Variants in DGKI observed in about 807,000 individuals in gnomAD.
The protein encoded by DGKI is diacylglycerol kinase iota.
In DGKI, 55 loss-of-function variants were observed where a neutral mutation model predicts 147.5. That is an observed-to-expected ratio of 0.37 (90% confidence interval 0.30 to 0.47). The LOEUF is 0.47. Among genes scored for constraint, DGKI ranks in the 20% least tolerant of loss-of-function variants. The probability of loss-of-function intolerance (pLI) is 1.00; values close to 1 mark genes in which losing one functional copy is unlikely to be tolerated. For synonymous variants in DGKI, 469 were observed against 477.1 expected, an observed-to-expected ratio of 0.98 and a Z score of 0.22; for missense variants, 1,007 against 1,323.8, an observed-to-expected ratio of 0.76 and a Z score of 3.71.
rs564223372 is a variant in DGKI at position 137,840,328 on chromosome 7, T to C, written c.401+6134A>G. Among the ~76,000 whole-genome samples the C allele has an allele frequency of 6.6e-5, 10 of 152,282 alleles. No individual in the cohort carries two copies. The East Asian group carries it at 1.9e-3, about 29-fold the overall frequency. On this transcript the variant is annotated intron_variant, in intron 1 of 32. Transcript: ENST00000614521. Reference sequence around the variant, plus strand: ...GAAGGAAAGAGGGAGTGAAGTAATATAGAACAGAGGTGGCTGGAGTGACCT... The same window carrying C: ...GAAGGAAAGAGGGAGTGAAGTAATACAGAACAGAGGTGGCTGGAGTGACCT...
chr7:137,826,986 C>T (rs771254771), intron 1 of DGKI, among the ~76,000 whole-genome samples: 8 of 152,278 alleles, frequency 5.3e-5, no homozygotes, highest in East Asian at 1.9e-4. Context: ...TAGAAACTCA[C>T]CCTACTTCCT....
chr7:137,499,691 T>C (rs1334824787), intron 21 of DGKI, among the ~76,000 whole-genome samples: 1 of 152,086 alleles, frequency 6.6e-6, no homozygotes, highest in South Asian at 2.1e-4. Flanking sequence ...CTGGAAGATA[T>C]ACCACCAGCT....
intron 30 of DGKI, among the ~76,000 whole-genome samples, chr7:137,398,232 T>C (rs1811624161): frequency 6.6e-6 from 1 of 152,236 alleles, no homozygotes; most frequent in African/African-American, 2.4e-5. Flanking sequence ...GGATTTATCA[T>C]CCAAGTTGGG....
chr7:137,786,623 A>G (rs1028854245), intron 1 of DGKI, among the ~76,000 whole-genome samples: 3 of 152,026 alleles, frequency 2.0e-5, no homozygotes, highest in Non-Finnish European at 4.4e-5. Context: ...AACAATCCTA[A>G]AATTCATATG....
chr7:137,493,708 A>C (rs1815856698), intron 21 of DGKI: 2 of 699,092 alleles, frequency 2.9e-6, no homozygotes, highest in East Asian at 5.4e-5. Context: ...AGACTGAAGG[A>C]AAATCAGCCC....
At chr7:137,713,678 G>T (rs972645690) in intron 1 of DGKI, among the ~76,000 whole-genome samples, 14 of 152,000 alleles carry the variant, frequency 9.2e-5, no homozygotes, top group African/African-American at 3.4e-4. Flanking sequence ...GTCTCTTTTT[G>T]TCACTCAAGC....
intron 20 of DGKI, among the ~76,000 whole-genome samples, chr7:137,545,559 G>A (rs1299704067): frequency 1.3e-5 from 2 of 152,160 alleles, no homozygotes; most frequent in African/African-American, 4.8e-5. Flanking sequence ...GCACTTCCTC[G>A]AGCTTATCTC....
At chr7:137,655,264 T>G (rs1239702479) in intron 4 of DGKI, among the ~76,000 whole-genome samples, 1 of 151,766 alleles carries the variant, frequency 6.6e-6, no homozygotes. Flanking sequence ...AGTGGTGTGA[T>G]CTCAGCTCAC....
intron 6 of DGKI, among the ~76,000 whole-genome samples, chr7:137,634,220 A>G (rs1821233566): frequency 6.6e-6 from 1 of 152,328 alleles, no homozygotes; most frequent in African/African-American, 2.4e-5. Flanking sequence ...TTATTGGATG[A>G]CATTAAATGC....
intron 1 of DGKI, among the ~76,000 whole-genome samples, chr7:137,845,030 C>T (rs1340757769): frequency 6.6e-6 from 1 of 152,226 alleles, no homozygotes; most frequent in African/African-American, 2.4e-5. Flanking sequence ...CCCCTCCCCA[C>T]CATCTGTCTA....
chr7:137,797,039 A>G (rs188056992), intron 1 of DGKI, among the ~76,000 whole-genome samples: 24 of 152,364 alleles, frequency 1.6e-4, no homozygotes, highest in Admixed American at 1.5e-3. Context: ...AAACCGAATC[A>G]GACAGAATCT....
chr7:137,469,303 C>A (rs71550670), intron 24 of DGKI, among the ~76,000 whole-genome samples: 4,833 of 152,258 alleles, frequency 0.032, 95 homozygotes, highest in Middle Eastern at 0.088. Flanking sequence ...AGAAAAACAT[C>A]GGCCTGAGCA....
rs569421884 is a variant in DGKI at position 137,502,933 on chromosome 7, A to G, written c.2249-15244T>C. ...CTGAGGATGGACTCACGAGTCCCAT[A>G]TGTAGAGCTTCACAAGCACTAGGGA... On this transcript the variant is annotated intron_variant, in intron 21 of 32. Coordinates refer to ENST00000614521, the MANE Select transcript of DGKI (RefSeq NM_001321708.2). 1.6e-4 allele frequency among the ~76,000 whole-genome samples: 24 copies of G among 152,246 alleles called. No individual in the cohort carries two copies. The South Asian group carries it at 4.8e-3, about 30-fold the overall frequency.
At chr7:137,478,180 T>A (rs12707360) in intron 23 of DGKI, among the ~76,000 whole-genome samples, 29,323 of 152,048 alleles carry the variant, frequency 0.19, 4,217 homozygotes, top group African/African-American at 0.41. Context: ...ATAGCTTATA[T>A]AAGTCAAGAG....
intron 8 of DGKI, among the ~76,000 whole-genome samples, chr7:137,612,617 G>T (rs1004161513): frequency 6.6e-6 from 1 of 152,028 alleles, no homozygotes; most frequent in Non-Finnish European, 1.5e-5. Flanking sequence ...TAATCTACAG[G>T]ATCGCTTATC....
intron 29 of DGKI, among the ~76,000 whole-genome samples, chr7:137,408,507 A>T (rs1812045178): frequency 6.6e-6 from 1 of 152,206 alleles, no homozygotes; most frequent in African/African-American, 2.4e-5. Context: ...AAGATCACTG[A>T]ATACAAGTAT....
intron 12 of DGKI, among the ~76,000 whole-genome samples, chr7:137,587,953 C>T (rs1354393272): frequency 6.6e-6 from 1 of 152,078 alleles, no homozygotes; most frequent in Non-Finnish European, 1.5e-5. Flanking sequence ...AGTCTTATAA[C>T]TAATTAGAAA....
intron 5 of DGKI, among the ~76,000 whole-genome samples, chr7:137,650,398 A>G (rs967552452): frequency 3.3e-5 from 5 of 152,244 alleles, no homozygotes; most frequent in Admixed American, 1.3e-4. Flanking sequence ...AGAAAGAACA[A>G]GACACTTTGA....
intron 1 of DGKI, among the ~76,000 whole-genome samples, chr7:137,713,664 C>T (rs1284003073): frequency 2.0e-5 from 3 of 152,004 alleles, no homozygotes; most frequent in African/African-American, 7.2e-5. Flanking sequence ...ATTTTAGAGA[C>T]AGGGTCTCTT....
Sources: gnomAD v4.1 joint callset for allele counts (sites outside exome capture counted in the v4.1 genomes callset) on GRCh38, gnomAD v4.1.1 for gene constraint, MANE v1.5 for transcripts, NCBI Gene and HGNC (gene_info 2026-07-23, HGNC 2026-07-21) for gene names.